ZFPM2: variants seen among roughly 807,000 people sequenced by gnomAD.
ZFPM2 encodes zinc finger protein ZFPM2.
Under a neutral mutation model 98.6 loss-of-function variants are expected in ZFPM2, and 20 were observed. That is an observed-to-expected ratio of 0.20 (90% CI 0.14 to 0.29). The LOEUF is 0.29. ZFPM2 is among the 10% of genes least tolerant of loss of function. The pLI, the probability that ZFPM2 is intolerant of heterozygous loss-of-function variation, is 1.00. For missense variants in ZFPM2, 1,310 were observed against 1,388.6 expected, an observed-to-expected ratio of 0.94 and a Z score of 0.90; for synonymous variants, 518 against 502.7, an observed-to-expected ratio of 1.03 and a Z score of -0.41.
intron 3 of ZFPM2, among the ~76,000 whole-genome samples, chr8:105,512,857 A>T (rs1813844258): frequency 6.6e-6 from 1 of 152,064 alleles, no homozygotes; most frequent in African/African-American, 2.4e-5. Context: ...CTTACATATC[A>T]TGTGCCAGAA....
intron 5 of ZFPM2, among the ~76,000 whole-genome samples, chr8:105,692,973 A>C (rs1386220135): frequency 1.3e-5 from 2 of 152,208 alleles, no homozygotes; most frequent in Non-Finnish European, 2.9e-5. Flanking sequence ...GGGAGTGTGC[A>C]GGATTGGCTG....
chr8:105,795,795 C>G (rs756971627), intron 6 of ZFPM2: 11 of 491,926 alleles, frequency 2.2e-5, no homozygotes, highest in Non-Finnish European at 2.9e-5. Context: ...CGTCTGGAGT[C>G]CCAAGATCTG....
At chr8:105,579,160 G>A (rs888567727) in intron 4 of ZFPM2, among the ~76,000 whole-genome samples, 5 of 148,496 alleles carry the variant, frequency 3.4e-5, no homozygotes, top group African/African-American at 5.0e-5. Flanking sequence ...TCAAATTCTT[G>A]TAGTAAACTG....
At chr8:105,677,595 A>G (rs1288225097) in intron 5 of ZFPM2, among the ~76,000 whole-genome samples, 5 of 151,430 alleles carry the variant, frequency 3.3e-5, no homozygotes, top group Admixed American at 3.3e-4. Context: ...TTAAGTAGCT[A>G]TCTATCTCAG....
intron 3 of ZFPM2, among the ~76,000 whole-genome samples, chr8:105,532,308 C>T (rs1280403364): frequency 6.6e-6 from 1 of 152,132 alleles, no homozygotes; most frequent in Admixed American, 6.5e-5. Context: ...AAGTCCAGAA[C>T]TTATATGAAT....
intron 3 of ZFPM2, among the ~76,000 whole-genome samples, chr8:105,470,998 G>A (rs1182867400): frequency 6.6e-6 from 1 of 151,994 alleles, no homozygotes; most frequent in Non-Finnish European, 1.5e-5. Context: ...TACTCCATGA[G>A]GTATGGCTCT....
chr8:105,630,866 G>T lies in ZFPM2; in HGVS notation c.421-3380G>T, dbSNP rs543008191. ...TAGTAGTAGTGGTGGTTGGAGGGAG[G>T]GGGGAGTGGAAAAACTCATCCTAAA... On this transcript the variant is annotated intron_variant, in intron 4 of 7. Transcript: ENST00000407775. Among the ~76,000 whole-genome samples the T allele has an allele frequency of 2.3e-4, 35 of 152,180 alleles. No homozygotes were observed. The South Asian group carries it at 4.4e-3, about 19-fold the overall frequency.
chr8:105,380,455 C>T (rs1245837797), intron 1 of ZFPM2, among the ~76,000 whole-genome samples: 4 of 148,230 alleles, frequency 2.7e-5, no homozygotes, highest in Admixed American at 1.4e-4. Flanking sequence ...ATCTCACTCA[C>T]GATCAACATT....
At chr8:105,786,081 G>A (rs1250555701) in intron 5 of ZFPM2, among the ~76,000 whole-genome samples, 1 of 148,030 alleles carries the variant, frequency 6.8e-6, no homozygotes, top group African/African-American at 2.5e-5. Flanking sequence ...TTAGCCAAGA[G>A]TGATGTTCAC....
chr8:105,554,495 T>G (rs1195944588), intron 3 of ZFPM2, among the ~76,000 whole-genome samples: 4 of 152,198 alleles, frequency 2.6e-5, no homozygotes, highest in African/African-American at 9.7e-5. Context: ...CCATGTTTGA[T>G]ACCATGATGT....
At chr8:105,691,289 CGGACTGCGGACTGCAGTGGCGGGATCTCG>C (rs1349463888) in intron 5 of ZFPM2, among the ~76,000 whole-genome samples, 6 of 108,620 alleles carry the variant, frequency 5.5e-5, no homozygotes, top group African/African-American at 2.1e-4. Context: ...TCGCCCAGGC[CGGACTGCGGACTGCAGTGGCGGGATCTCG>C]GCTCACTGCA....
intron 3 of ZFPM2, among the ~76,000 whole-genome samples, chr8:105,489,466 A>ATATATATATATATATATATATATTTT (rs1554610604): frequency 8.3e-6 from 1 of 119,808 alleles, no homozygotes; most frequent in African/African-American, 3.6e-5. Context: ...ATATATATAT[A>ATATATATATATATATATATATATTTT]TTTTTTTTTT....
chr8:105,330,428 C>T (rs1812189157), intron 1 of ZFPM2, among the ~76,000 whole-genome samples: 1 of 150,308 alleles, frequency 6.7e-6, no homozygotes, highest in African/African-American at 2.4e-5. Context: ...GTGAACCGAT[C>T]ACCATTTCAG....
intron 4 of ZFPM2, among the ~76,000 whole-genome samples, chr8:105,612,813 A>G (rs1201158907): frequency 6.6e-6 from 1 of 152,220 alleles, no homozygotes; most frequent in Non-Finnish European, 1.5e-5. Context: ...GTGAACCAAC[A>G]TATAATAAAA....
rs537948856 is a variant in ZFPM2, at chr8:105,731,175, T to C, written c.533-57543T>C. On this transcript the variant is annotated intron_variant, in intron 5 of 7. Transcript: ENST00000407775. ...AAACTCCAGTGACCTGAAAGCAGGATAAAAACCACCAAGTTATGAATTGTA... is the reference window on the plus strand; with the variant it reads ...AAACTCCAGTGACCTGAAAGCAGGACAAAAACCACCAAGTTATGAATTGTA... 5.3e-5 allele frequency among the ~76,000 whole-genome samples: 8 copies of C among 151,896 alleles called. No individual in the cohort carries two copies. The South Asian group carries it at 1.7e-3, about 31-fold the overall frequency.
intron 5 of ZFPM2, among the ~76,000 whole-genome samples, chr8:105,644,524 C>G (rs574056750): frequency 2.0e-5 from 3 of 152,100 alleles, no homozygotes; most frequent in African/African-American, 7.2e-5. Context: ...TTCTCTCTCT[C>G]TCTCCCTCGC....
At chr8:105,692,950 C>T (rs887779973) in intron 5 of ZFPM2, among the ~76,000 whole-genome samples, 2 of 152,022 alleles carry the variant, frequency 1.3e-5, no homozygotes, top group African/African-American at 4.8e-5. Flanking sequence ...AATGATGTTT[C>T]CAGAGAAAGT....
In ZFPM2 at chr8:105,441,456, A is replaced by AGAGAGAGAGAG. The variant is rs1563659915; in HGVS notation, c.200-2824_200-2823insGAGAGAGAGAG. 1.1e-4 allele frequency among the ~76,000 whole-genome samples: 5 copies of AGAGAGAGAGAG among 46,122 alleles called. 1 individual carries two copies. Among genetic ancestry groups the AGAGAGAGAGAG allele is most frequent in the African/African-American group, 6.6e-4 (5 of 7,544 alleles). The allele number at this position is 46,122 out of a possible 152,430, so 30.3% of individuals were successfully genotyped here. On this transcript the variant is annotated intron_variant, in intron 2 of 7. Transcript: ENST00000407775. ...AGAAAGAGAGAGAGAGAGAGAGAGA[A>AGAGAGAGAGAG]AGAAAGAAAGAAAGAAAGAAAGAAA...
intron 4 of ZFPM2, among the ~76,000 whole-genome samples, chr8:105,611,311 A>G (rs1293185230): frequency 1.3e-5 from 2 of 152,146 alleles, no homozygotes; most frequent in Non-Finnish European, 2.9e-5. Context: ...GAAAACGAGG[A>G]ACAGCTTAAT....
Sources: allele counts gnomAD v4.1 joint callset (sites outside exome capture counted in the v4.1 genomes callset), GRCh38; gene constraint gnomAD v4.1.1; transcripts MANE v1.5; gene names NCBI Gene and HGNC (gene_info 2026-07-23, HGNC 2026-07-21).